Variants in CRB1 observed in about 807,000 individuals in gnomAD.
CRB1 encodes the protein protein crumbs homolog 1.
In CRB1, 83 loss-of-function variants were observed where a neutral mutation model predicts 120.0. That is an observed-to-expected ratio of 0.69 (90% CI 0.58 to 0.83). The LOEUF is 0.83. CRB1 is among the 40% of genes least tolerant of loss of function. CRB1 has a pLI of 0.00. For synonymous variants in CRB1, 625 were observed against 612.5 expected (o/e 1.02, Z -0.30); for missense variants, 1,699 against 1,687.6 (o/e 1.01, Z -0.12).
the CRB1 span, among the ~76,000 whole-genome samples, chr1:197,207,086 G>A: frequency 6.6e-6 from 1 of 151,978 alleles, no homozygotes; most frequent in Non-Finnish European, 1.5e-5. Flanking sequence ...CATTTGCATG[G>A]AATATCTTTT....
chr1:197,216,061 A>T, the CRB1 span, among the ~76,000 whole-genome samples: 1 of 152,298 alleles, frequency 6.6e-6, no homozygotes, highest in African/African-American at 2.4e-5. Flanking sequence ...ACTTAACAGC[A>T]TGCTCTTTTG....
intron 5 of CRB1, among the ~76,000 whole-genome samples, chr1:197,359,306 T>A (rs1267310447): frequency 2.0e-5 from 3 of 152,308 alleles, no homozygotes; most frequent in African/African-American, 7.2e-5. Flanking sequence ...CCAAGAATGT[T>A]ATATAAATGG....
intron 11 of CRB1, among the ~76,000 whole-genome samples, chr1:197,446,698 G>A (rs2125521646): frequency 6.6e-6 from 1 of 152,288 alleles, no homozygotes; most frequent in Non-Finnish European, 1.5e-5. Flanking sequence ...AAGAAAGAAG[G>A]AGAATTTGCA....
intron 11 of CRB1, among the ~76,000 whole-genome samples, chr1:197,469,520 G>T (rs2125560778): frequency 6.6e-6 from 1 of 152,280 alleles, no homozygotes; most frequent in East Asian, 1.9e-4. Flanking sequence ...AGATGAAAAG[G>T]ATGTGCTTTG....
intron 1 of CRB1, among the ~76,000 whole-genome samples, chr1:197,310,557 T>C (rs2125271219): frequency 6.6e-6 from 1 of 152,282 alleles, no homozygotes; most frequent in South Asian, 2.1e-4. Flanking sequence ...ATTTTTGAAA[T>C]GTATTTTTAC....
chr1:197,212,611 T>C, the CRB1 span, among the ~76,000 whole-genome samples: 8 of 152,020 alleles, frequency 5.3e-5, no homozygotes, highest in African/African-American at 1.4e-4. Flanking sequence ...GGAACAAGGG[T>C]AGGGGAAGTG....
At chr1:197,255,996 T>TATATATATATATACAC in the CRB1 span, among the ~76,000 whole-genome samples, 11 of 116,704 alleles carry the variant, frequency 9.4e-5, no homozygotes, top group East Asian at 3.9e-4. Context: ...TATATATATA[T>TATATATATATATACAC]ACACTACAAT....
chr1:197,477,767 C>G lies in CRB1; in HGVS notation c.4109C>G (p.Ser1370Cys). Residue 1370 changes from serine (S) to cysteine (C), a missense_variant, in exon 12 of 12, where the codon TCC becomes TGC. Ser to Cys is a moderately radical substitution (Grantham distance 112, BLOSUM62 -1). Transcript: ENST00000367400. ...LLAIVASVVT[S>C]NKRATQGTYS... The stretch of plus-strand genomic sequence containing the variant: ...GCCATTGTTGCTTCTGTTGTCACCT[C>G]CAACAAAAGGGCAACTCAGGGAACC... 1 of 1,613,912 alleles carries G rather than the reference C, an allele frequency of 6.2e-7. No homozygotes were observed. Among genetic ancestry groups the G allele is most frequent in the Non-Finnish European group, 8.5e-7 (1 of 1,179,890 alleles).
intron 1 of CRB1, among the ~76,000 whole-genome samples, chr1:197,317,155 C>A (rs563992800): frequency 6.6e-6 from 1 of 152,188 alleles, no homozygotes; most frequent in African/African-American, 2.4e-5. Context: ...CGGTGGCTCA[C>A]GCCTGTAATC....
rs1299354040 is a variant in CRB1, at chr1:197,365,625, TC to T, written c.1171+8613del. On this transcript the variant is annotated intron_variant, in intron 5 of 11. Transcript: ENST00000367400. ...TTCTCCTTCTCCTTCTTCTTCTTCT[TC>T]TTTTTTTTTTTTTTTTATCAGTAGG... Among the ~76,000 whole-genome samples, 125 of 120,038 alleles carry T rather than the reference TC, an allele frequency of 1.0e-3. 1 individual carries two copies. The highest frequency in any genetic ancestry group is 5.4e-3 in the African/African-American group (115 of 21,472). 78.7% of individuals were successfully genotyped at this position (120,038 alleles called of 152,430 possible). A position where few individuals can be genotyped will look rare whatever the true frequency, so the allele number is the denominator to read the frequency against.
chr1:197,347,552 A>C lies in CRB1; in HGVS notation c.988+73A>C, dbSNP rs1659850481. ...TACACATATCGCTTATAGCAAATGAAATGAAAAATTATTGTTGTTAAATGT... is the reference window on the plus strand; with the variant it reads ...TACACATATCGCTTATAGCAAATGACATGAAAAATTATTGTTGTTAAATGT... On this transcript the variant is annotated intron_variant, in intron 4 of 11. Transcript: ENST00000367400. 4 of 1,463,364 alleles carry C rather than the reference A, an allele frequency of 2.7e-6. No homozygotes were observed. In the Admixed American group the frequency reaches 6.9e-5, roughly 25 times the overall value. 90.6% of individuals were successfully genotyped at this position (1,463,364 alleles called of 1,614,324 possible). A position where few individuals can be genotyped will look rare whatever the true frequency, so the allele number is the denominator to read the frequency against.
rs368816923 is a variant in CRB1 at position 197,328,620 on chromosome 1, G to A, written c.269G>A (p.Gly90Glu). Residue 90 changes from glycine to glutamate, a missense_variant, in exon 2 of 12, where the codon GGA becomes GAA. Coordinates refer to ENST00000367400, the MANE Select transcript of CRB1 (RefSeq NM_201253.3). ...AGTGCCACTTGTGTGAACACCCCAG[G>A]AGAAAGGAGCTTTCTGTGCAAATGT... The part of the protein sequence containing the change: ...QGSATCVNTP[G>E]ERSFLCKCPP... 4.6e-5 allele frequency: 74 copies of A among 1,614,098 alleles called. No individual in the cohort carries two copies. The highest frequency in any genetic ancestry group is 6.1e-5 in the Non-Finnish European group (72 of 1,180,044).
intron 1 of CRB1, among the ~76,000 whole-genome samples, chr1:197,315,787 T>C (rs1657801705): frequency 6.6e-6 from 1 of 152,244 alleles, no homozygotes; most frequent in African/African-American, 2.4e-5. Context: ...ACTAGATGCA[T>C]TTTTATTTTT....
chr1:197,450,327 C>T (rs1665897787), intron 11 of CRB1, among the ~76,000 whole-genome samples: 1 of 152,130 alleles, frequency 6.6e-6, no homozygotes, highest in African/African-American at 2.4e-5. Flanking sequence ...AATTCAGAAG[C>T]GCAGGTTTTA....
the CRB1 span, among the ~76,000 whole-genome samples, chr1:197,228,390 A>G: frequency 7.5e-4 from 114 of 152,200 alleles, 2 homozygotes; most frequent in East Asian, 0.022. Flanking sequence ...AGATACCTTA[A>G]ATCATCTCTC....
chr1:197,407,646 CCCG>C (rs1187383327), intron 5 of CRB1, among the ~76,000 whole-genome samples: 1 of 152,126 alleles, frequency 6.6e-6, no homozygotes, highest in Non-Finnish European at 1.5e-5. Context: ...GCTATCTGAG[CCCG>C]ATCTTGATTC....
chr1:197,348,225 G>T (rs1010910137), intron 4 of CRB1, among the ~76,000 whole-genome samples: 2 of 152,124 alleles, frequency 1.3e-5, no homozygotes, highest in East Asian at 1.9e-4. Flanking sequence ...ATGGGATTGT[G>T]GTGGTCCCTC....
chr1:197,314,427 C>A (rs1345810004), intron 1 of CRB1, among the ~76,000 whole-genome samples: 1 of 152,026 alleles, frequency 6.6e-6, no homozygotes, highest in Non-Finnish European at 1.5e-5. Context: ...CATATTCATT[C>A]TTTTATTTAA....
At chr1:197,307,882 GT>G (rs752345968) in intron 1 of CRB1, among the ~76,000 whole-genome samples, 2 of 152,110 alleles carry the variant, frequency 1.3e-5, no homozygotes, top group Non-Finnish European at 2.9e-5. Flanking sequence ...CCTTGAACAA[GT>G]TACTTAAACT....
Sources: allele counts gnomAD v4.1 joint callset (sites outside exome capture counted in the v4.1 genomes callset), GRCh38; gene constraint gnomAD v4.1.1; transcripts MANE v1.5; gene names NCBI Gene and HGNC (gene_info 2026-07-23, HGNC 2026-07-21).